Variants in MOB3C observed in about 807,000 individuals in gnomAD.
The protein encoded by MOB3C is MOB kinase activator 3C.
In MOB3C, 17 loss-of-function variants were observed where a neutral mutation model predicts 19.8. The observed-to-expected ratio is 0.86, with a 90% CI of 0.59 to 1.29. MOB3C has a LOEUF of 1.29. MOB3C is among the 50% of genes most tolerant of loss of function. The probability of loss-of-function intolerance (pLI) is 0.00; values close to 1 mark genes in which losing one functional copy is unlikely to be tolerated. For missense variants in MOB3C, 291 were observed against 301.9 expected (o/e 0.96, Z 0.27); for synonymous variants, 101 against 119.2 (o/e 0.85, Z 0.99).
At chr1:46,610,697 A>G (rs1675448872) in intron 2 of MOB3C, among the ~76,000 whole-genome samples, 1 of 152,132 alleles carries the variant, frequency 6.6e-6, no homozygotes, top group African/African-American at 2.4e-5. Context: ...TTTCTTTCTA[A>G]TGAAGCACAA....
chr1:46,613,352 G>A lies in MOB3C; in HGVS notation c.-31C>T. 1 of 1,599,118 alleles carries A rather than the reference G, an allele frequency of 6.3e-7. No individual in the cohort carries two copies. The highest frequency in any genetic ancestry group is 1.1e-5 in the South Asian group (1 of 90,942). On this transcript the variant is annotated 5_prime_UTR_variant, in exon 2 of 4. Transcript: ENST00000319928. ...GCTGGGCCTGGGGCTGCTGTCCAGG[G>A]GCTCGGACCTGAGGATACCCTGCCA...
chr1:46,613,151 G>T lies in MOB3C; in HGVS notation c.171C>A (p.Asp57Glu), dbSNP rs1288853970. 4 of 1,614,250 alleles carry T rather than the reference G, an allele frequency of 2.5e-6. No individual in the cohort carries two copies. The highest frequency in any genetic ancestry group is 1.7e-5 in the Admixed American group (1 of 60,032). Residue 57 changes from aspartate (D) to glutamate (E), a missense_variant, in exon 2 of 4, where the codon GAC becomes GAA. Transcript: ENST00000319928. ...CCACCACGTGCACGGCGATCCAGTC[G>T]TCGATGTTCTCCCCGGGTGGTAGCC... ...VVRLPPGENI[D>E]DWIAVHVVDF...
chr1:46,612,328 C>T (rs952222328), intron 2 of MOB3C, among the ~76,000 whole-genome samples: 4 of 152,160 alleles, frequency 2.6e-5, no homozygotes, highest in East Asian at 1.9e-4. Context: ...ATGAACACCT[C>T]GGGGCAACTG....
At position 46,609,465 on chromosome 1, in the gene MOB3C, T is replaced by C; in HGVS notation, c.*190A>G. ...CTTCTGTTTGCCTGCCTAGATGCTC[T>C]CCCCTTCTCCATCCACAAGCGGTCA... On this transcript the variant is annotated 3_prime_UTR_variant, in exon 4 of 4. Transcript: ENST00000319928. 3 of 691,048 alleles carry C rather than the reference T, an allele frequency of 4.3e-6. No homozygotes were observed. The South Asian group carries it at 5.0e-5, about 12-fold the overall frequency. 42.8% of individuals were successfully genotyped at this position (691,048 alleles called of 1,614,324 possible). A position where few individuals can be genotyped will look rare whatever the true frequency, so the allele number is the denominator to read the frequency against.
rs1214784820 is a variant in MOB3C at position 46,613,184 on chromosome 1, A to G, written c.138T>C (p.Ser46=). ...ASLKSGLDLR[S]VVRLPPGENI... is the part of the protein sequence containing the mutation. ...TCTCCCCGGGTGGTAGCCTCACCAC[A>G]CTGCGCAGGTCCAGGCCCGACTTGA... The change falls in exon 2 of 4, where the codon AGT becomes AGC. Residue 46 remains serine (S), a synonymous_variant. Transcript: ENST00000319928. 6.2e-7 allele frequency: 1 copy of G among 1,614,214 alleles called. No individual in the cohort carries two copies.
Position 46,610,006 on chromosome 1 carries a change from G to A in MOB3C, c.617C>T (p.Pro206Leu). The A allele has an allele frequency of 6.2e-7, 1 of 1,614,210 alleles. No homozygotes were observed. Among genetic ancestry groups the A allele is most frequent in the Non-Finnish European group, 8.5e-7 (1 of 1,180,042 alleles). Reference protein sequence around the residue: ...FSLVDQRELEPLREMTERICH With the variant: ...FSLVDQRELELLREMTERICH Reference sequence around the variant, plus strand: ...GGTGGTAGGGCTTGGCCTCACCAGTGGCTCCAGCTCCCGCTGGTCCACCAG... The same window carrying A: ...GGTGGTAGGGCTTGGCCTCACCAGTAGCTCCAGCTCCCGCTGGTCCACCAG... The change falls in exon 3 of 4, where the codon CCA (proline) becomes CTA (leucine). Residue 206 changes from proline (P) to leucine (L), a missense_variant. By Grantham distance (98) the Pro-to-Leu change is moderately conservative. Coordinates refer to ENST00000319928, the MANE Select transcript of MOB3C (RefSeq NM_201403.3).
At chr1:46,609,709 G>A (rs1169668232) in intron 3 of MOB3C, 25 bp from the exon 4 acceptor site, 2 of 1,613,804 alleles carry the variant, frequency 1.2e-6, no homozygotes, top group Non-Finnish European at 1.7e-6. Flanking sequence ...GGTAGGGAGG[G>A]GTCAATTAGA....
chr1:46,613,401 G>A (rs1675508301), intron 1 of MOB3C, 30 bp from the exon 2 acceptor site: 3 of 1,555,586 alleles, frequency 1.9e-6, no homozygotes, highest in Non-Finnish European at 2.6e-6. Flanking sequence ...AGGGGAGCTG[G>A]CGGTCAAGGC....
At chr1:46,609,759 C>T in intron 3 of MOB3C, 75 bp from the exon 4 acceptor site, 1 of 1,578,120 alleles carries the variant, frequency 6.3e-7, no homozygotes. Context: ...ACCATAGGGC[C>T]TAGCTGCTCT....
intron 1 of MOB3C, chr1:46,613,637 C>T: frequency 2.0e-6 from 1 of 503,564 alleles, no homozygotes; most frequent in Non-Finnish European, 3.5e-6. Context: ...GGGCTCTAAA[C>T]AGGTGCCCCT....
Position 46,613,281 on chromosome 1 carries a change from G to C in MOB3C, c.41C>G (p.Thr14Arg). The change falls in exon 2 of 4, where the codon ACG becomes AGG. Residue 14 changes from threonine to arginine, a missense_variant. By Grantham distance (71) the Thr-to-Arg change is moderately conservative (BLOSUM62 -1). Coordinates refer to ENST00000319928, the MANE Select transcript of MOB3C (RefSeq NM_201403.3). ...CLKQVFAKDK[T>R]FRPRKRFEPG... The stretch of plus-strand genomic sequence containing the variant: ...CTCAAAGCGCTTCCGCGGCCGGAAC[G>C]TCTTGTCCTTGGCGAACACCTGCTT... 6.2e-7 allele frequency: 1 copy of C among 1,611,076 alleles called. No individual in the cohort carries two copies. The highest frequency in any genetic ancestry group is 8.5e-7 in the Non-Finnish European group (1 of 1,180,020).
At chr1:46,613,512 C>T in intron 1 of MOB3C, 141 bp from the exon 2 acceptor site, 3 of 812,808 alleles carry the variant, frequency 3.7e-6, no homozygotes, top group Non-Finnish European at 5.7e-6. Flanking sequence ...AGTCCTCAGC[C>T]CCTAGGTCCA....
At chr1:46,615,362 T>C (rs181530264) in intron 1 of MOB3C, 43 of 395,254 alleles carry the variant, frequency 1.1e-4, no homozygotes, top group African/African-American at 1.4e-4. Context: ...CATCCTCAGA[T>C]TGGCTGCTAC....
Position 46,609,591 on chromosome 1 carries a change from C to T in MOB3C, c.*64G>A. ...AGATTCCTTCAGGCTCCTGGGGGTC[C>T]CCTCTGCCAGCCACCCTATGTTCAG... On this transcript the variant is annotated 3_prime_UTR_variant, in exon 4 of 4. Coordinates refer to ENST00000319928, the MANE Select transcript of MOB3C (RefSeq NM_201403.3). The T allele has an allele frequency of 1.2e-6, 2 of 1,604,144 alleles. No individual in the cohort carries two copies. Among genetic ancestry groups the T allele is most frequent in the Admixed American group, 3.3e-5 (2 of 59,972 alleles).
In MOB3C at chr1:46,609,495, G is replaced by T; in HGVS notation, c.*160C>A. ...TTCTCCATCCACAAGCGGTCAGGGC[G>T]ACAGGTAGGCAGACTCCTGAGAACC... On this transcript the variant is annotated 3_prime_UTR_variant, in exon 4 of 4. Coordinates refer to ENST00000319928, the MANE Select transcript of MOB3C (RefSeq NM_201403.3). 1.1e-6 allele frequency: 1 copy of T among 882,264 alleles called. No homozygotes were observed. The allele number at this position is 882,264 out of a possible 1,614,324, so 54.7% of individuals were successfully genotyped here.
Position 46,610,275 on chromosome 1 carries a change from A to G in MOB3C, c.419-71T>C, listed in dbSNP as rs2148802595. On this transcript the variant is annotated intron_variant, in intron 2 of 3. Transcript: ENST00000319928. ...AAGCTCTGCTCAACTTTTCCCTCCCACACACAGGCAACCAGGATGGCTTTT... is the reference window on the plus strand; with the variant it reads ...AAGCTCTGCTCAACTTTTCCCTCCCGCACACAGGCAACCAGGATGGCTTTT... 10 of 1,436,160 alleles carry G rather than the reference A, an allele frequency of 7.0e-6. No homozygotes were observed. In the South Asian group the frequency reaches 1.0e-4, roughly 15 times the overall value. 89.0% of individuals were successfully genotyped at this position (1,436,160 alleles called of 1,614,324 possible).
At chr1:46,609,751 C>G in intron 3 of MOB3C, 67 bp from the exon 4 acceptor site, 6 of 1,594,122 alleles carry the variant, frequency 3.8e-6, no homozygotes, top group Non-Finnish European at 5.1e-6. Flanking sequence ...CTTCCCAAAC[C>G]ATAGGGCCTA....
chr1:46,613,515 T>A, intron 1 of MOB3C, 144 bp from the exon 2 acceptor site: 1 of 766,382 alleles, frequency 1.3e-6, no homozygotes, highest in Non-Finnish European at 2.1e-6. Flanking sequence ...CCTCAGCCCC[T>A]AGGTCCAGTG....
rs200410364 is a variant in MOB3C at position 46,609,669 on chromosome 1, G to T, written c.637C>A (p.Arg213=). 608 of 1,614,052 alleles carry T rather than the reference G, an allele frequency of 3.8e-4. No homozygotes were observed. The highest frequency in any genetic ancestry group is 4.0e-4 in the Non-Finnish European group (476 of 1,179,976). The change falls in exon 4 of 4, where the codon CGG becomes AGG. Residue 213 remains arginine (R), a synonymous_variant. Coordinates refer to ENST00000319928, the MANE Select transcript of MOB3C (RefSeq NM_201403.3). ...ELEPLREMTE[R]ICH ...CAGACCTGGGCTCAGTGGCAGATCC[G>T]CTCTGTCATCTCCCTCTGTAGAGAC... is the stretch of plus-strand genomic sequence containing the variant.
Sources: gnomAD v4.1 joint callset for allele counts (sites outside exome capture counted in the v4.1 genomes callset) on GRCh38, gnomAD v4.1.1 for gene constraint, MANE v1.5 for transcripts, NCBI Gene and HGNC (gene_info 2026-07-23, HGNC 2026-07-21) for gene names.